KLHDC1: variants seen among roughly 807,000 people sequenced by gnomAD.
KLHDC1 encodes the protein kelch domain-containing protein 1.
KLHDC1 carries 53 observed loss-of-function variants against 68.3 expected under a neutral mutation model. That is an observed-to-expected ratio of 0.78 (90% CI 0.62 to 0.98). The LOEUF (loss-of-function observed/expected upper bound fraction) is 0.98, where lower values mean the gene tolerates loss of function less well. KLHDC1 is among the 50% of genes least tolerant of loss of function. The pLI, the probability that KLHDC1 is intolerant of heterozygous loss-of-function variation, is 0.00. For synonymous variants in KLHDC1, 148 were observed against 159.0 expected, an observed-to-expected ratio of 0.93 and a Z score of 0.52; for missense variants, 470 against 492.3, an observed-to-expected ratio of 0.95 and a Z score of 0.43.
intron 4 of KLHDC1, among the ~76,000 whole-genome samples, chr14:49,713,462 C>T (rs866910788): frequency 1.2e-4 from 19 of 152,166 alleles, no homozygotes; most frequent in Admixed American, 4.6e-4. Flanking sequence ...CCCTAAGATA[C>T]TGTTTGTATA....
chr14:49,730,897 G>A lies in KLHDC1; in HGVS notation c.710+1349G>A, dbSNP rs988578760. Among the ~76,000 whole-genome samples, 4 of 152,118 alleles carry A rather than the reference G, an allele frequency of 2.6e-5. No homozygotes were observed. In the East Asian group the frequency reaches 5.8e-4, roughly 22 times the overall value. ...TGAGGCAGGAGAATCGCTTGAACCCGGGAGGTGGAGGTTGCATTGAGCCAA... is the reference window on the plus strand; with the variant it reads ...TGAGGCAGGAGAATCGCTTGAACCCAGGAGGTGGAGGTTGCATTGAGCCAA... On this transcript the variant is annotated intron_variant, in intron 8 of 12. Coordinates refer to ENST00000359332, the MANE Select transcript of KLHDC1 (RefSeq NM_172193.3).
intron 1 of KLHDC1, among the ~76,000 whole-genome samples, chr14:49,695,147 T>TGTGTGTGTGC (rs1377978299): frequency 1.3e-5 from 2 of 151,736 alleles, no homozygotes; most frequent in Non-Finnish European, 2.9e-5. Context: ...TGTGTGTGTG[T>TGTGTGTGTGC]GTTTTGAGAC....
chr14:49,713,821 TATATATATATATATATATATATA>T (rs1888281718), intron 4 of KLHDC1, among the ~76,000 whole-genome samples: 5 of 3,160 alleles, frequency 1.6e-3, no homozygotes, highest in African/African-American at 2.6e-3. Flanking sequence ...TATATATATA[TATATATATATATATATATATATA>T]TATATATTTT....
chr14:49,694,462 C>T (rs1436505306), intron 1 of KLHDC1, among the ~76,000 whole-genome samples: 1 of 151,906 alleles, frequency 6.6e-6, no homozygotes, highest in East Asian at 1.9e-4. Context: ...TGCAATAAAG[C>T]GAGGTCATAC....
intron 1 of KLHDC1, among the ~76,000 whole-genome samples, chr14:49,708,021 T>G (rs763406794): frequency 6.6e-6 from 1 of 151,644 alleles, no homozygotes; most frequent in Non-Finnish European, 1.5e-5. Context: ...TAATAACTTA[T>G]GTATTATATA....
chr14:49,710,808 C>A (rs184724810), intron 4 of KLHDC1, among the ~76,000 whole-genome samples: 4 of 152,104 alleles, frequency 2.6e-5, no homozygotes, highest in African/African-American at 9.7e-5. Flanking sequence ...AACATTTTAG[C>A]TCCTCACTCC....
At chr14:49,750,177 T>A (rs1889291175) in intron 12 of KLHDC1, among the ~76,000 whole-genome samples, 1 of 152,214 alleles carries the variant, frequency 6.6e-6, no homozygotes, top group African/African-American at 2.4e-5. Flanking sequence ...AACAGCAGAT[T>A]CCTTCGCATG....
At chr14:49,735,041 G>A (rs1888900028) in intron 10 of KLHDC1, among the ~76,000 whole-genome samples, 1 of 152,010 alleles carries the variant, frequency 6.6e-6, no homozygotes, top group Non-Finnish European at 1.5e-5. Flanking sequence ...TTTGGAAGAG[G>A]TTTAAAGCAA....
In KLHDC1 at chr14:49,695,116, ATGTGTG is replaced by A. The variant is rs71115393; in HGVS notation, c.96+1854_96+1859del. On this transcript the variant is annotated intron_variant, in intron 1 of 12. Coordinates refer to ENST00000359332, the MANE Select transcript of KLHDC1 (RefSeq NM_172193.3). ...CTCTGTAACATGCAATGCAGTTTTGATGTGTGTGTGTGTGTGTGTGTGTGTGTGTGT... is the reference window on the plus strand; with the variant it reads ...CTCTGTAACATGCAATGCAGTTTTGATGTGTGTGTGTGTGTGTGTGTGTGT... 3.3e-3 allele frequency among the ~76,000 whole-genome samples: 465 copies of A among 142,196 alleles called. 1 individual carries two copies. Among genetic ancestry groups the A allele is most frequent in the African/African-American group, 9.7e-3 (368 of 38,064 alleles). 93.3% of individuals were successfully genotyped at this position (142,196 alleles called of 152,430 possible). A position where few individuals can be genotyped will look rare whatever the true frequency, so the allele number is the denominator to read the frequency against.
chr14:49,743,621 G>T, intron 11 of KLHDC1, 132 bp from the exon 12 acceptor site: 1 of 588,280 alleles, frequency 1.7e-6, no homozygotes, highest in Non-Finnish European at 3.0e-6. Flanking sequence ...ATGTGTGTGT[G>T]TCAACAGCTA....
intron 10 of KLHDC1, among the ~76,000 whole-genome samples, chr14:49,738,496 G>T (rs767326995): frequency 4.6e-5 from 7 of 151,914 alleles, no homozygotes; most frequent in South Asian, 4.1e-4. Context: ...ACAGGCATGC[G>T]CCAACAAGCT....
chr14:49,714,035 CAG>C (rs1888304634), intron 4 of KLHDC1, among the ~76,000 whole-genome samples: 1 of 147,936 alleles, frequency 6.8e-6, no homozygotes, highest in African/African-American at 2.5e-5. Context: ...TTAGTAGAAA[CAG>C]GGTTTCACCA....
intron 8 of KLHDC1, among the ~76,000 whole-genome samples, chr14:49,732,381 C>T (rs1888832057): frequency 6.6e-6 from 1 of 152,100 alleles, no homozygotes; most frequent in Non-Finnish European, 1.5e-5. Flanking sequence ...CCATGCTGCC[C>T]AGTCTGGTCT....
At position 49,698,752 on chromosome 14, in the gene KLHDC1, G is replaced by A. The variant is rs921929014; in HGVS notation, c.96+5462G>A. 5.3e-5 allele frequency among the ~76,000 whole-genome samples: 8 copies of A among 151,956 alleles called. No homozygotes were observed. In the East Asian group the frequency reaches 1.6e-3, roughly 30 times the overall value. ...GCTGGTCTCAAACTCCTGACCTTAG[G>A]CAGTCAGCCCACCTCGGCCTCCCAA... On this transcript the variant is annotated intron_variant, in intron 1 of 12. Coordinates refer to ENST00000359332, the MANE Select transcript of KLHDC1 (RefSeq NM_172193.3).
At chr14:49,733,530 C>T (rs1594676384) in intron 9 of KLHDC1, among the ~76,000 whole-genome samples, 2 of 150,658 alleles carry the variant, frequency 1.3e-5, no homozygotes, top group Admixed American at 6.6e-5. Flanking sequence ...CGGGTTCAAG[C>T]GATTCTCCTT....
chr14:49,731,405 G>C (rs1358991787), intron 8 of KLHDC1, among the ~76,000 whole-genome samples: 1 of 152,158 alleles, frequency 6.6e-6, no homozygotes, highest in Non-Finnish European at 1.5e-5. Context: ...GTGGAAGAAT[G>C]GTATCTTCTC....
intron 12 of KLHDC1, among the ~76,000 whole-genome samples, chr14:49,745,369 G>A (rs1377821334): frequency 6.6e-6 from 1 of 152,154 alleles, no homozygotes; most frequent in East Asian, 1.9e-4. Flanking sequence ...GGTGTGGCCT[G>A]CACTTTGGAT....
intron 1 of KLHDC1, among the ~76,000 whole-genome samples, chr14:49,693,742 C>CTTTTTTTTTTTTTTTTTTTTTTTT (rs1566589138): frequency 3.4e-4 from 21 of 60,968 alleles, no homozygotes; most frequent in African/African-American, 1.0e-3. Context: ...ATTTTCTTTT[C>CTTTTTTTTTTTTTTTTTTTTTTTT]TTTTTCTTTT....
At chr14:49,750,747 A>G (rs1889303915) in intron 12 of KLHDC1, among the ~76,000 whole-genome samples, 1 of 152,212 alleles carries the variant, frequency 6.6e-6, no homozygotes, top group South Asian at 2.1e-4. Flanking sequence ...TCTTCAAAAT[A>G]GCATAAGATT....
Sources: allele counts gnomAD v4.1 joint callset (sites outside exome capture counted in the v4.1 genomes callset), GRCh38; gene constraint gnomAD v4.1.1; transcripts MANE v1.5; gene names NCBI Gene and HGNC (gene_info 2026-07-23, HGNC 2026-07-21).